The following PTPRT variants were observed in gnomAD, a reference collection of about 807,000 sequenced individuals.
The protein encoded by PTPRT is protein tyrosine phosphatase receptor type T.
In PTPRT, 56 loss-of-function variants were observed where a neutral mutation model predicts 176.8. The ratio of observed to expected loss-of-function variants is 0.32; its 90% CI spans 0.26 to 0.40. The LOEUF (loss-of-function observed/expected upper bound fraction) is 0.40, where lower values mean the gene tolerates loss of function less well. Among genes scored for constraint, PTPRT ranks in the 10% least tolerant of loss-of-function variants. The probability of loss-of-function intolerance (pLI) is 1.00; values close to 1 mark genes in which losing one functional copy is unlikely to be tolerated. For synonymous variants in PTPRT, 783 were observed against 739.0 expected (o/e 1.06, Z -0.96); for missense variants, 1,540 against 1,908.2 (o/e 0.81, Z 3.60).
intron 7 of PTPRT, among the ~76,000 whole-genome samples, chr20:42,515,330 A>T (rs2072040687): frequency 6.6e-6 from 1 of 152,080 alleles, no homozygotes; most frequent in Admixed American, 6.5e-5. Flanking sequence ...TAAAATTACA[A>T]AAATTAGTCA....
chr20:42,956,288 G>C (rs767614271), intron 1 of PTPRT, among the ~76,000 whole-genome samples: 2 of 152,132 alleles, frequency 1.3e-5, no homozygotes, highest in East Asian at 3.9e-4. Context: ...GATCATGGGG[G>C]TGGGATCCTC....
At chr20:42,407,852 C>A (rs528761119) in intron 9 of PTPRT, among the ~76,000 whole-genome samples, 2 of 151,690 alleles carry the variant, frequency 1.3e-5, no homozygotes, top group African/African-American at 2.4e-5. Context: ...AAATCAAGAG[C>A]AATAATAAAA....
At chr20:42,070,852 A>G (rs1408236586), downstream of PTPRT, among the ~76,000 whole-genome samples, 1 of 152,224 alleles carries the variant, frequency 6.6e-6, no homozygotes, top group Non-Finnish European at 1.5e-5. Flanking sequence ...TTTTGGGGAA[A>G]GATGATATGC....
At position 42,627,541 on chromosome 20, in the gene PTPRT, G is replaced by C. The variant is rs914216168; in HGVS notation, c.1153+50325C>G. ...TCTGCCTTGGCCTCCCAAAGCACTG[G>C]GGTTACAGGCATGAGCCACCATGCC... On this transcript the variant is annotated intron_variant, in intron 7 of 30. Coordinates refer to ENST00000373187, the MANE Select transcript of PTPRT (RefSeq NM_007050.6). Among the ~76,000 whole-genome samples, 58 of 151,982 alleles carry C rather than the reference G, an allele frequency of 3.8e-4. 1 individual carries two copies. The highest frequency in any genetic ancestry group is 1.4e-3 in the African/African-American group (56 of 41,326).
At position 42,792,141 on chromosome 20, in the gene PTPRT, C is replaced by T. The variant is rs116587352; in HGVS notation, c.215-675G>A. ...GGATCAAGAATACACACATGGAGGA[C>T]ACCTGACTTGAACTGATCTTAAAGA... On this transcript the variant is annotated intron_variant, in intron 2 of 30. Coordinates refer to ENST00000373187, the MANE Select transcript of PTPRT (RefSeq NM_007050.6). Among the ~76,000 whole-genome samples, 535 of 152,290 alleles carry T rather than the reference C, an allele frequency of 3.5e-3. 3 individuals are homozygous for T. The highest frequency in any genetic ancestry group is 0.011 in the African/African-American group (459 of 41,542).
chr20:42,108,881 AC>A (rs1413654876), intron 23 of PTPRT, among the ~76,000 whole-genome samples: 1 of 152,248 alleles, frequency 6.6e-6, no homozygotes, highest in Non-Finnish European at 1.5e-5. Flanking sequence ...CTAAGGAGAC[AC>A]ATACCGGCGT....
intron 8 of PTPRT, among the ~76,000 whole-genome samples, chr20:42,465,903 C>T (rs2071094020): frequency 1.3e-5 from 2 of 152,268 alleles, no homozygotes; most frequent in Middle Eastern, 3.4e-3. Context: ...TATGCATTAA[C>T]TATTTATCCT....
At chr20:42,899,106 G>C (rs1275117008) in intron 1 of PTPRT, among the ~76,000 whole-genome samples, 1 of 151,808 alleles carries the variant, frequency 6.6e-6, no homozygotes, top group Non-Finnish European at 1.5e-5. Flanking sequence ...GCATAAAAAG[G>C]GCAAGGCTAC....
chr20:42,588,832 G>A (rs1291392865), intron 7 of PTPRT, among the ~76,000 whole-genome samples: 1 of 152,096 alleles, frequency 6.6e-6, no homozygotes, highest in East Asian at 1.9e-4. Context: ...TTGTGTGCTG[G>A]GCACGGCACT....
At chr20:43,078,593 C>T (rs760209873) in intron 1 of PTPRT, among the ~76,000 whole-genome samples, 4 of 152,082 alleles carry the variant, frequency 2.6e-5, no homozygotes, top group Non-Finnish European at 4.4e-5. Context: ...CAAGGTGGCA[C>T]GGAGGGCTGG....
At chr20:42,047,689 A>G in the PTPRT span, among the ~76,000 whole-genome samples, 871 of 152,328 alleles carry the variant, frequency 5.7e-3, 4 homozygotes, top group African/African-American at 0.02. Context: ...CAAAATCCTG[A>G]AACTTGGGGC....
chr20:42,639,826 T>G (rs1014607376), intron 7 of PTPRT, among the ~76,000 whole-genome samples: 3 of 152,164 alleles, frequency 2.0e-5, no homozygotes, highest in African/African-American at 7.2e-5. Flanking sequence ...TCTACCTTCC[T>G]GGTAATCTTA....
intron 7 of PTPRT, among the ~76,000 whole-genome samples, chr20:42,584,407 G>C (rs1042380853): frequency 2.0e-5 from 3 of 152,032 alleles, no homozygotes; most frequent in Non-Finnish European, 4.4e-5. Context: ...CACGGCATTT[G>C]CACTTCCTTT....
At chr20:42,443,733 A>T (rs2059339120) in intron 9 of PTPRT, among the ~76,000 whole-genome samples, 1 of 152,170 alleles carries the variant, frequency 6.6e-6, no homozygotes, top group African/African-American at 2.4e-5. Context: ...CTAAAGGTCC[A>T]TGGCTCCAGG....
intron 2 of PTPRT, among the ~76,000 whole-genome samples, chr20:42,884,273 C>T (rs2079069742): frequency 6.6e-6 from 1 of 152,124 alleles, no homozygotes; most frequent in African/African-American, 2.4e-5. Flanking sequence ...AATTTTGTAC[C>T]ACAGCCTAAC....
intron 8 of PTPRT, among the ~76,000 whole-genome samples, chr20:42,454,580 T>C (rs1388003047): frequency 6.6e-6 from 1 of 152,236 alleles, no homozygotes; most frequent in African/African-American, 2.4e-5. Flanking sequence ...TGCTTTTACC[T>C]ATTTACTAGC....
chr20:42,216,682 A>C (rs1397513935), intron 15 of PTPRT, among the ~76,000 whole-genome samples: 1 of 152,216 alleles, frequency 6.6e-6, no homozygotes, highest in Non-Finnish European at 1.5e-5. Flanking sequence ...AAATTGAGTG[A>C]CACTTTCCAT....
chr20:42,943,803 C>G (rs1361731741), intron 1 of PTPRT, among the ~76,000 whole-genome samples: 3 of 152,024 alleles, frequency 2.0e-5, no homozygotes, highest in Non-Finnish European at 1.5e-5. Context: ...TCATTCCAGC[C>G]TGGGAGTTCA....
At chr20:42,415,128 C>A (rs1393454495) in intron 9 of PTPRT, among the ~76,000 whole-genome samples, 2 of 152,124 alleles carry the variant, frequency 1.3e-5, no homozygotes, top group Non-Finnish European at 2.9e-5. Context: ...AGGTTCAAAT[C>A]CCAGTTTTGC....
Sources: allele counts gnomAD v4.1 joint callset (sites outside exome capture counted in the v4.1 genomes callset), GRCh38; gene constraint gnomAD v4.1.1; transcripts MANE v1.5; gene names NCBI Gene and HGNC (gene_info 2026-07-23, HGNC 2026-07-21).